The following SNTG1 variants were observed in gnomAD, a reference collection of about 807,000 sequenced individuals.
SNTG1 encodes the protein gamma-1-syntrophin.
Under a neutral mutation model 74.7 loss-of-function variants are expected in SNTG1, and 39 were observed. The ratio of observed to expected loss-of-function variants is 0.52; its 90% CI spans 0.40 to 0.68. The LOEUF is 0.68. Ranked by LOEUF, SNTG1 falls within the 30% of genes least tolerant of loss-of-function variation. The pLI is 0.00. For synonymous variants in SNTG1, 254 were observed against 217.1 expected (o/e 1.17, Z -1.49); for missense variants, 685 against 609.5 (o/e 1.12, Z -1.30).
At chr8:50,130,174 TAAAATATAAC>T (rs2081274244) in intron 1 of SNTG1, among the ~76,000 whole-genome samples, 1 of 152,110 alleles carries the variant, frequency 6.6e-6, no homozygotes, top group South Asian at 2.1e-4. Context: ...GTTACAGCTA[TAAAATATAAC>T]AAAATAAGTT....
At chr8:50,443,908 C>T (rs1484519983) in intron 5 of SNTG1, among the ~76,000 whole-genome samples, 5 of 151,816 alleles carry the variant, frequency 3.3e-5, no homozygotes, top group Non-Finnish European at 4.4e-5. Context: ...CCAAGGCAGG[C>T]GGATCATTTG....
At chr8:50,577,734 A>G (rs538458177) in intron 12 of SNTG1, among the ~76,000 whole-genome samples, 1 of 152,308 alleles carries the variant, frequency 6.6e-6, no homozygotes, top group South Asian at 2.1e-4. Flanking sequence ...AAATATACTA[A>G]CTTGATGATT....
chr8:50,018,396 G>C (rs534983315), intron 1 of SNTG1, among the ~76,000 whole-genome samples: 1 of 152,012 alleles, frequency 6.6e-6, no homozygotes, highest in African/African-American at 2.4e-5. Context: ...TCAATGGAGA[G>C]GGAAAATTCT....
intron 4 of SNTG1, among the ~76,000 whole-genome samples, chr8:50,415,014 T>G (rs905428218): frequency 2.0e-5 from 3 of 152,224 alleles, no homozygotes; most frequent in Admixed American, 6.6e-5. Flanking sequence ...TCTGGATAAT[T>G]GTTTCTTTCT....
At chr8:50,668,478 G>T (rs1177707785) in intron 15 of SNTG1, among the ~76,000 whole-genome samples, 4 of 149,612 alleles carry the variant, frequency 2.7e-5, no homozygotes, top group Non-Finnish European at 5.9e-5. Context: ...AGATACCTAT[G>T]TTCTTCATCT....
rs138523531 is a variant in SNTG1 at position 49,912,468 on chromosome 8, A to G, written c.-103+237A>G. Among the ~76,000 whole-genome samples the G allele has an allele frequency of 3.7e-4, 57 of 152,320 alleles. No individual in the cohort carries two copies. In the East Asian group the frequency reaches 9.8e-3, roughly 26 times the overall value. On this transcript the variant is annotated intron_variant, in intron 1 of 18. Transcript: ENST00000642720. Reference sequence around the variant, plus strand: ...GGCCATTTTTCTTATTGCTTATCTAATATCTTTTTGGATCTGGCATATCTT... The same window carrying G: ...GGCCATTTTTCTTATTGCTTATCTAGTATCTTTTTGGATCTGGCATATCTT...
At chr8:50,115,574 A>C (rs1586342638) in intron 1 of SNTG1, among the ~76,000 whole-genome samples, 1 of 146,466 alleles carries the variant, frequency 6.8e-6, no homozygotes, top group Admixed American at 6.9e-5. Context: ...TCTCAAAAAA[A>C]AAAAAAAAAA....
At chr8:50,157,447 A>G (rs2082287392) in intron 1 of SNTG1, among the ~76,000 whole-genome samples, 1 of 152,114 alleles carries the variant, frequency 6.6e-6, no homozygotes, top group Non-Finnish European at 1.5e-5. Context: ...ATTACTTGAT[A>G]ATTCTTTAAG....
rs140427329 is a variant in SNTG1 at position 50,199,693 on chromosome 8, G to A, written c.-28+27058G>A. On this transcript the variant is annotated intron_variant, in intron 2 of 18. Coordinates refer to ENST00000642720, the MANE Select transcript of SNTG1 (RefSeq NM_018967.5). ...TGCAGGTCGTCAGCTGCCCTGTTTTGGTGCATGACTGCCTTATCTACAGGA... is the reference window on the plus strand; with the variant it reads ...TGCAGGTCGTCAGCTGCCCTGTTTTAGTGCATGACTGCCTTATCTACAGGA... 1.9e-3 allele frequency among the ~76,000 whole-genome samples: 294 copies of A among 152,224 alleles called. 1 individual carries two copies. The highest frequency in any genetic ancestry group is 6.8e-3 in the African/African-American group (283 of 41,544).
At chr8:50,380,451 A>G (rs746082510) in intron 2 of SNTG1, among the ~76,000 whole-genome samples, 43 of 152,240 alleles carry the variant, frequency 2.8e-4, no homozygotes, top group Non-Finnish European at 5.3e-4. Flanking sequence ...CTCTATAAAT[A>G]GATAACATTT....
At chr8:50,535,147 A>AT (rs1361611296) in intron 10 of SNTG1, among the ~76,000 whole-genome samples, 1 of 152,142 alleles carries the variant, frequency 6.6e-6, no homozygotes, top group Non-Finnish European at 1.5e-5. Flanking sequence ...ATTATAAGAA[A>AT]TTTTTTATTT....
At chr8:50,488,254 T>C (rs1290603555) in intron 8 of SNTG1, among the ~76,000 whole-genome samples, 1 of 152,210 alleles carries the variant, frequency 6.6e-6, no homozygotes, top group East Asian at 1.9e-4. Context: ...GATTTGCCAC[T>C]GACTATTTTA....
At chr8:50,612,090 A>T (rs2094854602) in intron 13 of SNTG1, among the ~76,000 whole-genome samples, 1 of 152,196 alleles carries the variant, frequency 6.6e-6, no homozygotes, top group Non-Finnish European at 1.5e-5. Context: ...CAAACAAAAA[A>T]ATCTGAAGCA....
chr8:50,620,167 G>A (rs1203160241), intron 13 of SNTG1, among the ~76,000 whole-genome samples: 4 of 152,062 alleles, frequency 2.6e-5, no homozygotes, highest in South Asian at 4.1e-4. Context: ...CTGAGGTCCC[G>A]ATTTCCTTTC....
At chr8:50,500,292 T>A (rs2093940436) in intron 8 of SNTG1, among the ~76,000 whole-genome samples, 1 of 151,828 alleles carries the variant, frequency 6.6e-6, no homozygotes, top group African/African-American at 2.4e-5. Context: ...TATTCTGTCC[T>A]CATCTTTGTT....
At chr8:50,701,673 CTTCTTCTTCTTCT>C (rs2095425255) in intron 15 of SNTG1, among the ~76,000 whole-genome samples, 1 of 117,126 alleles carries the variant, frequency 8.5e-6, no homozygotes, top group Non-Finnish European at 1.6e-5. Flanking sequence ...CTTCTTCTTC[CTTCTTCTTCTTCT>C]TCTTTGCCTT....
chr8:50,391,932 C>G (rs1474716076), intron 2 of SNTG1, among the ~76,000 whole-genome samples: 2 of 152,112 alleles, frequency 1.3e-5, no homozygotes. Flanking sequence ...AAATTCCTTA[C>G]CAGCATGCTT....
In SNTG1 at chr8:49,969,811, C is replaced by T. The variant is rs372918395; in HGVS notation, c.-103+57580C>T. Among the ~76,000 whole-genome samples, 9 of 152,154 alleles carry T rather than the reference C, an allele frequency of 5.9e-5. No homozygotes were observed. In the South Asian group the frequency reaches 8.3e-4, roughly 14 times the overall value. On this transcript the variant is annotated intron_variant, in intron 1 of 18. Transcript: ENST00000642720. ...CAACAATGACATCATGGTGTATGTTCCAAGTTACAGAATTTGAAAAGTTGC... is the reference window on the plus strand; with the variant it reads ...CAACAATGACATCATGGTGTATGTTTCAAGTTACAGAATTTGAAAAGTTGC...
chr8:50,280,203 GA>G, intron 2 of SNTG1, among the ~76,000 whole-genome samples: 1 of 152,178 alleles, frequency 6.6e-6, no homozygotes, highest in Non-Finnish European at 1.5e-5. Flanking sequence ...CACAGTCCAG[GA>G]CATGAGTTGG....
Sources: gnomAD v4.1 joint callset for allele counts (sites outside exome capture counted in the v4.1 genomes callset) on GRCh38, gnomAD v4.1.1 for gene constraint, MANE v1.5 for transcripts, NCBI Gene and HGNC (gene_info 2026-07-23, HGNC 2026-07-21) for gene names.